Variants in GCNT4 observed in about 807,000 individuals in gnomAD.
The protein encoded by GCNT4 is glucosaminyl (N-acetyl) transferase 4.
Under a neutral mutation model 31.3 loss-of-function variants are expected in GCNT4, and 17 were observed. The observed-to-expected ratio is 0.54, with a 90% CI of 0.37 to 0.81. GCNT4 has a LOEUF of 0.81. GCNT4 is among the 40% of genes least tolerant of loss of function. GCNT4 has a pLI of 0.00. For synonymous variants in GCNT4, 158 were observed against 190.6 expected, an observed-to-expected ratio of 0.83 and a Z score of 1.41; for missense variants, 503 against 525.5, an observed-to-expected ratio of 0.96 and a Z score of 0.42.
chr5:75,041,712 C>T (rs879172110), intron 3 of GCNT4, among the ~76,000 whole-genome samples: 9 of 152,156 alleles, frequency 5.9e-5, no homozygotes, highest in Admixed American at 1.3e-4. Flanking sequence ...CAAAAAGAAG[C>T]GCAGAATTCA....
intron 3 of GCNT4, among the ~76,000 whole-genome samples, chr5:75,035,335 G>A (rs544726941): frequency 9.7e-4 from 148 of 152,372 alleles, no homozygotes; most frequent in Non-Finnish European, 6.6e-4. Context: ...GGAATGGTAA[G>A]TCAAGAATGA....
chr5:75,032,872 G>GGGGT (rs1302225317), intron 3 of GCNT4, among the ~76,000 whole-genome samples: 1 of 130,646 alleles, frequency 7.7e-6, no homozygotes, highest in Non-Finnish European at 1.7e-5. Context: ...CCCAAATAGG[G>GGGGT]GTGTGTGTGT....
chr5:75,038,126 T>C (rs1355052212), intron 3 of GCNT4, among the ~76,000 whole-genome samples: 1 of 152,134 alleles, frequency 6.6e-6, no homozygotes, highest in African/African-American at 2.4e-5. Context: ...GTCTTACCTG[T>C]TTCTTTCATT....
chr5:75,031,292 G>C (rs1743056762), intron 3 of GCNT4, among the ~76,000 whole-genome samples: 1 of 152,070 alleles, frequency 6.6e-6, no homozygotes. Flanking sequence ...GGCTGGTCGT[G>C]AACACCTGGT....
intron 3 of GCNT4, among the ~76,000 whole-genome samples, chr5:75,038,525 T>C (rs889187931): frequency 2.0e-5 from 3 of 152,228 alleles, no homozygotes; most frequent in Admixed American, 6.5e-5. Flanking sequence ...TAGGCTTTTA[T>C]GTCTTGCAGT....
chr5:75,042,419 T>C (rs1214821701), intron 3 of GCNT4, among the ~76,000 whole-genome samples: 1 of 152,230 alleles, frequency 6.6e-6, no homozygotes, highest in Middle Eastern at 3.2e-3. Flanking sequence ...TATTTTGGTA[T>C]TATATGGCTA....
At chr5:75,034,154 C>T (rs537862667) in intron 3 of GCNT4, among the ~76,000 whole-genome samples, 2 of 152,196 alleles carry the variant, frequency 1.3e-5, no homozygotes, top group African/African-American at 2.4e-5. Flanking sequence ...TTCCCAGCTG[C>T]GGTGGGCACT....
chr5:75,017,558 G>A, the GCNT4 span: 5,463 of 152,320 alleles, frequency 0.036, 131 homozygotes, highest in Non-Finnish European at 0.051. Context: ...AAAAGTATTG[G>A]TTTTCAGTTG....
At chr5:75,022,707 A>G (rs1370539294), downstream of GCNT4, among the ~76,000 whole-genome samples, 1 of 152,212 alleles carries the variant, frequency 6.6e-6, no homozygotes, top group Non-Finnish European at 1.5e-5. Context: ...AGCTGTTAGT[A>G]ATAGAGACTT....
chr5:75,030,804 G>A (rs1302564146), intron 3 of GCNT4: 2 of 166,994 alleles, frequency 1.2e-5, no homozygotes, highest in East Asian at 1.9e-4. Context: ...TGAAGATCCC[G>A]TGTGTGTGCA....
chr5:75,044,625 A>G (rs1743394574), intron 3 of GCNT4, among the ~76,000 whole-genome samples: 1 of 152,044 alleles, frequency 6.6e-6, no homozygotes, highest in African/African-American at 2.4e-5. Flanking sequence ...AGTGTCATTG[A>G]CCAGTGGCCA....
At chr5:75,040,330 G>C (rs1208661602) in intron 3 of GCNT4, among the ~76,000 whole-genome samples, 1 of 152,032 alleles carries the variant, frequency 6.6e-6, no homozygotes, top group African/African-American at 2.4e-5. Flanking sequence ...CTGAGCACTT[G>C]CTACAAGGAG....
At chr5:75,018,264 C>T in the GCNT4 span, among the ~76,000 whole-genome samples, 1 of 151,938 alleles carries the variant, frequency 6.6e-6, no homozygotes, top group Non-Finnish European at 1.5e-5. Context: ...CCGGGGGTAA[C>T]ATGTTTATTT....
downstream of GCNT4, among the ~76,000 whole-genome samples, chr5:75,022,125 G>A (rs1213271096): frequency 6.6e-6 from 1 of 152,018 alleles, no homozygotes; most frequent in Non-Finnish European, 1.5e-5. Flanking sequence ...TTACACATAC[G>A]TCTGAACTCG....
chr5:75,053,099 T>A (rs1229418928), upstream of GCNT4, among the ~76,000 whole-genome samples: 1 of 151,740 alleles, frequency 6.6e-6, no homozygotes, highest in Non-Finnish European at 1.5e-5. Flanking sequence ...CAGGACACGC[T>A]CCGCGCCCGC....
downstream of GCNT4, among the ~76,000 whole-genome samples, chr5:75,020,845 G>C (rs552013683): frequency 5.6e-4 from 86 of 152,230 alleles, no homozygotes; most frequent in African/African-American, 2.0e-3. Flanking sequence ...GGGAAAATGG[G>C]GTGAAGGGGT....
rs749810728 is a variant in GCNT4 at position 75,029,814 on chromosome 5, C to G, written c.224G>C (p.Gly75Ala). ...TTCCAAAGGCTCCTGTTCATAGATACCCGAACAGTTAACTTCATACCTGAC... is the reference window on the plus strand; with the variant it reads ...TTCCAAAGGCTCCTGTTCATAGATAGCCGAACAGTTAACTTCATACCTGAC... ...DEVRYEVNCS[G>A]IYEQEPLEIG... Residue 75 changes from glycine (G) to alanine (A), a missense_variant, in exon 4 of 4, where the codon GGT (glycine) becomes GCT (alanine). By Grantham distance (60) the Gly-to-Ala change is moderately conservative. Coordinates refer to ENST00000652361, the MANE Select transcript of GCNT4 (RefSeq NM_001366737.1). The G allele has an allele frequency of 6.2e-7, 1 of 1,614,072 alleles. No homozygotes were observed. The highest frequency in any genetic ancestry group is 1.3e-5 in the African/African-American group (1 of 75,034).
At chr5:75,023,679 T>C (rs1354628833), downstream of GCNT4, among the ~76,000 whole-genome samples, 1 of 152,174 alleles carries the variant, frequency 6.6e-6, no homozygotes, top group Non-Finnish European at 1.5e-5. Context: ...AAAACACGTG[T>C]ATGTAGATAA....
intron 3 of GCNT4, among the ~76,000 whole-genome samples, chr5:75,039,147 C>A (rs76487532): frequency 0.096 from 14,651 of 152,038 alleles, 828 homozygotes; most frequent in East Asian, 0.21. Flanking sequence ...TGCAATGGCA[C>A]AATCTCGGCT....
Sources: gnomAD v4.1 joint callset for allele counts (sites outside exome capture counted in the v4.1 genomes callset) on GRCh38, gnomAD v4.1.1 for gene constraint, MANE v1.5 for transcripts, NCBI Gene and HGNC (gene_info 2026-07-23, HGNC 2026-07-21) for gene names.